HS6ST3: variants seen among roughly 807,000 people sequenced by gnomAD.
HS6ST3 encodes heparan sulfate 6-O-sulfotransferase 3.
Under a neutral mutation model 36.7 loss-of-function variants are expected in HS6ST3, and 12 were observed. The ratio of observed to expected loss-of-function variants is 0.33; its 90% confidence interval spans 0.21 to 0.53. The LOEUF (loss-of-function observed/expected upper bound fraction) is 0.53, where lower values mean the gene tolerates loss of function less well. HS6ST3 is among the 20% of genes least tolerant of loss of function. HS6ST3 has a pLI of 0.95. For missense variants in HS6ST3, 584 were observed against 640.9 expected (o/e 0.91, Z 0.96); for synonymous variants, 240 against 257.5 (o/e 0.93, Z 0.65).
chr13:96,777,966 C>A (rs1328045804), intron 1 of HS6ST3, among the ~76,000 whole-genome samples: 4 of 152,052 alleles, frequency 2.6e-5, no homozygotes, highest in Non-Finnish European at 5.9e-5. Context: ...GTACTGATAC[C>A]AAAACAGATA....
intron 1 of HS6ST3, among the ~76,000 whole-genome samples, chr13:96,734,031 C>T (rs1376392517): frequency 6.6e-6 from 1 of 152,210 alleles, no homozygotes; most frequent in Non-Finnish European, 1.5e-5. Flanking sequence ...ACATGCACAT[C>T]AGATCCTGGC....
intron 1 of HS6ST3, among the ~76,000 whole-genome samples, chr13:96,368,849 A>C (rs2055276019): frequency 1.3e-5 from 2 of 152,156 alleles, no homozygotes; most frequent in Admixed American, 6.6e-5. Context: ...GGAACTGCTG[A>C]CACATGCCGA....
intron 1 of HS6ST3, among the ~76,000 whole-genome samples, chr13:96,205,730 T>A (rs1452052854): frequency 6.6e-6 from 1 of 152,048 alleles, no homozygotes; most frequent in Non-Finnish European, 1.5e-5. Flanking sequence ...AAAAACCACA[T>A]GATTATCCCA....
chr13:96,617,306 C>T (rs2056478186), intron 1 of HS6ST3, among the ~76,000 whole-genome samples: 1 of 152,114 alleles, frequency 6.6e-6, no homozygotes, highest in Non-Finnish European at 1.5e-5. Context: ...AATCCATTTT[C>T]TTGGCTTCTC....
At chr13:96,139,435 T>C (rs2261183) in intron 1 of HS6ST3, among the ~76,000 whole-genome samples, 131,620 of 151,312 alleles carry the variant, frequency 0.87, 57,394 homozygotes, top group East Asian at 0.91. Flanking sequence ...TGTAATTTGA[T>C]GAGTGTAAGC....
intron 1 of HS6ST3, among the ~76,000 whole-genome samples, chr13:96,301,140 T>C (rs1448753614): frequency 6.6e-6 from 1 of 152,208 alleles, no homozygotes; most frequent in Non-Finnish European, 1.5e-5. Context: ...CCACATTGCA[T>C]TGGAAATAAT....
chr13:96,591,739 T>C (rs1220862427), intron 1 of HS6ST3, among the ~76,000 whole-genome samples: 3 of 152,192 alleles, frequency 2.0e-5, no homozygotes, highest in East Asian at 3.9e-4. Flanking sequence ...CCATATGTAA[T>C]AATGGTAGAA....
At chr13:96,287,855 T>A (rs1001675192) in intron 1 of HS6ST3, among the ~76,000 whole-genome samples, 1 of 152,326 alleles carries the variant, frequency 6.6e-6, no homozygotes. Context: ...CTAGGCTCTC[T>A]GCTAAATGCT....
intron 1 of HS6ST3, among the ~76,000 whole-genome samples, chr13:96,799,984 A>ATATATATATATGTGTGTG (rs1184198358): frequency 5.4e-5 from 5 of 92,430 alleles, no homozygotes; most frequent in African/African-American, 1.9e-4. Flanking sequence ...ATATATATGT[A>ATATATATATATGTGTGTG]TATATATATA....
intron 1 of HS6ST3, among the ~76,000 whole-genome samples, chr13:96,646,685 T>C (rs2056589919): frequency 6.6e-6 from 1 of 151,924 alleles, no homozygotes; most frequent in Non-Finnish European, 1.5e-5. Flanking sequence ...TTTATGCCGA[T>C]GAAAGTGGAT....
intron 1 of HS6ST3, among the ~76,000 whole-genome samples, chr13:96,463,232 A>G (rs1407029485): frequency 6.6e-6 from 1 of 152,178 alleles, no homozygotes; most frequent in Non-Finnish European, 1.5e-5. Context: ...ATACAGGCTT[A>G]TTTAAATCTA....
At chr13:96,680,291 C>T (rs1284374084) in intron 1 of HS6ST3, among the ~76,000 whole-genome samples, 3 of 152,110 alleles carry the variant, frequency 2.0e-5, no homozygotes, top group Non-Finnish European at 4.4e-5. Context: ...AGCAATCCCT[C>T]CACTCAACCC....
chr13:96,134,597 TTATC>T (rs2053992171), intron 1 of HS6ST3, among the ~76,000 whole-genome samples: 1 of 152,176 alleles, frequency 6.6e-6, no homozygotes, highest in South Asian at 2.1e-4. Context: ...GTTTATTTAT[TTATC>T]TATTGTTTTC....
chr13:96,313,488 G>A lies in HS6ST3; in HGVS notation c.707+221919G>A, dbSNP rs563748662. Among the ~76,000 whole-genome samples, 136 of 152,026 alleles carry A rather than the reference G, an allele frequency of 8.9e-4. 1 individual carries two copies. Among genetic ancestry groups the A allele is most frequent in the African/African-American group, 3.1e-3 (127 of 41,452 alleles). On this transcript the variant is annotated intron_variant, in intron 1 of 1. Coordinates refer to ENST00000376705, the MANE Select transcript of HS6ST3 (RefSeq NM_153456.4). ...CCCATATTATTTATGCCTCGATTTA[G>A]CACTCATTTCATTTTGTCTTAGACA...
chr13:96,315,541 T>G (rs1338174792), intron 1 of HS6ST3, among the ~76,000 whole-genome samples: 1 of 152,118 alleles, frequency 6.6e-6, no homozygotes, highest in African/African-American at 2.4e-5. Flanking sequence ...AACTAACAAT[T>G]TTTTCCTATA....
At chr13:96,604,068 A>C (rs929253584) in intron 1 of HS6ST3, among the ~76,000 whole-genome samples, 2 of 152,202 alleles carry the variant, frequency 1.3e-5, no homozygotes, top group Non-Finnish European at 2.9e-5. Flanking sequence ...CTTACTGTGC[A>C]TATGGTAAGA....
At chr13:96,220,293 GA>G (rs1566292144) in intron 1 of HS6ST3, among the ~76,000 whole-genome samples, 2 of 152,172 alleles carry the variant, frequency 1.3e-5, no homozygotes, top group Admixed American at 1.3e-4. Context: ...AGATCATCTG[GA>G]GGGAAAATAT....
intron 1 of HS6ST3, among the ~76,000 whole-genome samples, chr13:96,675,813 C>T (rs1024261827): frequency 6.6e-6 from 1 of 152,162 alleles, no homozygotes; most frequent in African/African-American, 2.4e-5. Context: ...CACATGGTCT[C>T]TCCCTGTGAT....
chr13:96,356,145 G>C (rs1332195990), intron 1 of HS6ST3, among the ~76,000 whole-genome samples: 1 of 152,084 alleles, frequency 6.6e-6, no homozygotes, highest in African/African-American at 2.4e-5. Context: ...ACTAATTCTA[G>C]TTCTCTTGCT....
Sources: gnomAD v4.1 joint callset for allele counts (sites outside exome capture counted in the v4.1 genomes callset) on GRCh38, gnomAD v4.1.1 for gene constraint, MANE v1.5 for transcripts, NCBI Gene and HGNC (gene_info 2026-07-23, HGNC 2026-07-21) for gene names.